Variants in FCRL3 observed in about 807,000 individuals in gnomAD.
FCRL3 encodes the protein Fc receptor like 3, also known as Fc receptor-like protein 3.
Under a neutral mutation model 75.0 loss-of-function variants are expected in FCRL3, and 89 were observed. That is an observed-to-expected ratio of 1.19 (90% CI 1.00 to 1.42). FCRL3 has a LOEUF of 1.42. Ranked by LOEUF, FCRL3 falls within the 40% of genes most tolerant of loss-of-function variation. FCRL3 has a pLI of 0.00. For synonymous variants in FCRL3, 376 were observed against 348.5 expected (o/e 1.08, Z -0.88); for missense variants, 946 against 880.0 (o/e 1.07, Z -0.95).
At chr1:157,680,631 G>A in intron 13 of FCRL3, 71 bp downstream of exon 13, 1 of 1,320,482 alleles carries the variant, frequency 7.6e-7, no homozygotes. Context: ...AAATAACTCT[G>A]ATCAAAGACC....
chr1:157,679,935 A>T (rs1041043650), intron 13 of FCRL3, among the ~76,000 whole-genome samples: 14 of 151,932 alleles, frequency 9.2e-5, no homozygotes, highest in African/African-American at 3.4e-4. Context: ...AATAAATGCA[A>T]CAAGCATTAT....
rs1442696599 is a variant in FCRL3, at chr1:157,696,199, C to A, written c.973G>T (p.Glu325Ter). 6.2e-7 allele frequency: 1 copy of A among 1,614,066 alleles called. No homozygotes were observed. Reference sequence around the variant, plus strand: ...CTACCCAGGCTTCTTACTCTTCCTTCTTTGTGCCAGGAGAATGTGACAGTC... The same window carrying A: ...CTACCCAGGCTTCTTACTCTTCCTTATTTGTGCCAGGAGAATGTGACAGTC... ...SGTVTFSWHK[E>*]GRVRSLGRKT... The change falls in exon 7 of 15, where the codon GAA becomes TAA. Residue 325 changes from glutamate to a stop codon, truncating the protein, a stop_gained. Transcript: ENST00000368184. LOFTEE classifies it high-confidence loss of function.
chr1:157,690,077 A>T (rs924547760), intron 9 of FCRL3, among the ~76,000 whole-genome samples, 160 bp from the exon 10 acceptor site: 2 of 152,208 alleles, frequency 1.3e-5, no homozygotes, highest in Non-Finnish European at 2.9e-5. Flanking sequence ...CCAGCATCTA[A>T]GATTAAAATG....
At chr1:157,678,918 A>G in intron 14 of FCRL3, 24 bp downstream of exon 14, 2 of 1,614,178 alleles carry the variant, frequency 1.2e-6, no homozygotes, top group Admixed American at 1.7e-5. Context: ...CAGAGAGGAA[A>G]GAAAGCCAAG....
At chr1:157,698,074 G>T in intron 4 of FCRL3, 155 bp from the exon 5 acceptor site, 1 of 861,254 alleles carries the variant, frequency 1.2e-6, no homozygotes, top group Non-Finnish European at 1.7e-6. Context: ...ATTCTTCCTT[G>T]CCCTACAAGG....
Position 157,678,436 on chromosome 1 carries a change from A to G in FCRL3, c.*274T>C, listed in dbSNP as rs1353019578. On this transcript the variant is annotated 3_prime_UTR_variant, in exon 15 of 15. Transcript: ENST00000368184. ...CTAGACCATTTCTCTCTCCTCCTCTATTCGACAGCCCTAGGAGCTGAGGGC... is the reference window on the plus strand; with the variant it reads ...CTAGACCATTTCTCTCTCCTCCTCTGTTCGACAGCCCTAGGAGCTGAGGGC... 3.9e-6 allele frequency: 5 copies of G among 1,285,300 alleles called. No homozygotes were observed. Among genetic ancestry groups the G allele is most frequent in the South Asian group, 3.8e-5 (2 of 52,404 alleles). 79.6% of individuals were successfully genotyped at this position (1,285,300 alleles called of 1,614,324 possible). A position where few individuals can be genotyped will look rare whatever the true frequency, so the allele number is the denominator to read the frequency against.
chr1:157,689,883 C>T lies in FCRL3; in HGVS notation c.1725G>A (p.Ala575=), dbSNP rs765500460. 22 of 1,614,050 alleles carry T rather than the reference C, an allele frequency of 1.4e-5. No homozygotes were observed. Among genetic ancestry groups the T allele is most frequent in the South Asian group, 1.1e-4 (10 of 91,088 alleles). ...TGCTGAGCACCAGCCCCGTGATTCCCGCAGCGGTAAGGCCTGTTCTGTTCC... is the reference window on the plus strand; with the variant it reads ...TGCTGAGCACCAGCCCCGTGATTCCTGCAGCGGTAAGGCCTGTTCTGTTCC... ...TSRNRTGLTA[A]GITGLVLSIL... Residue 575 remains alanine (A), a synonymous_variant, in exon 10 of 15, where the codon GCG becomes GCA. Coordinates refer to ENST00000368184, the MANE Select transcript of FCRL3 (RefSeq NM_052939.4).
intron 9 of FCRL3, 130 bp downstream of exon 9, chr1:157,690,125 T>C: frequency 7.4e-7 from 1 of 1,347,152 alleles, no homozygotes; most frequent in Non-Finnish European, 1.0e-6. Context: ...TCAGTACCAA[T>C]CTCCAGAAGT....
intron 10 of FCRL3, among the ~76,000 whole-genome samples, chr1:157,688,950 ATTT>A (rs1179618972): frequency 6.6e-6 from 1 of 152,188 alleles, no homozygotes; most frequent in Non-Finnish European, 1.5e-5. Flanking sequence ...TAGAAAAATC[ATTT>A]TACAAAAATT....
intron 6 of FCRL3, chr1:157,696,933 T>C (rs186308102): frequency 1.5e-4 from 62 of 405,670 alleles, no homozygotes; most frequent in East Asian, 1.2e-3. Context: ...GGGCAATCAG[T>C]AACTGATCAA....
rs890405815 is a variant in FCRL3, at chr1:157,677,581, G to A, written c.*1129C>T. The A allele has an allele frequency of 1.0e-6, 1 of 985,236 alleles. No individual in the cohort carries two copies. Among genetic ancestry groups the A allele is most frequent in the Non-Finnish European group, 1.2e-6 (1 of 829,914 alleles). 61.0% of individuals were successfully genotyped at this position (985,236 alleles called of 1,614,324 possible). A position where few individuals can be genotyped will look rare whatever the true frequency, so the allele number is the denominator to read the frequency against. On this transcript the variant is annotated 3_prime_UTR_variant, in exon 15 of 15. Transcript: ENST00000368184. ...CATATTAAAAATTCAACACACTGTG[G>A]AAAGAGTTTTTGATGGTGATAGCTA...
In FCRL3 at chr1:157,690,463, C is replaced by A; in HGVS notation, c.1482G>T (p.Glu494Asp). 1.2e-6 allele frequency: 2 copies of A among 1,614,212 alleles called. No individual in the cohort carries two copies. The highest frequency in any genetic ancestry group is 1.7e-6 in the Non-Finnish European group (2 of 1,180,042). The change falls in exon 9 of 15, where the codon GAG (glutamate) becomes GAT (aspartate). Residue 494 changes from glutamate to aspartate, a missense_variant. By Grantham distance (45) the Glu-to-Asp change is conservative. Transcript: ENST00000368184. ...GAQAVVGDLLELHCESLRGSF... is the reference protein window; with the variant it reads ...GAQAVVGDLLDLHCESLRGSF... ...AGCCTCTCAGGGACTCACAGTGAAG[C>A]TCCAGCAGGTCCCCCACCACAGCCT...
chr1:157,679,200 T>G (rs1654662056), intron 13 of FCRL3: 5 of 590,248 alleles, frequency 8.5e-6, no homozygotes, highest in Non-Finnish European at 1.5e-5. Flanking sequence ...CAAACCCAAA[T>G]AGAAAAAGTA....
chr1:157,698,258 C>T (rs1209041726), intron 4 of FCRL3, 126 bp downstream of exon 4: 5 of 1,142,512 alleles, frequency 4.4e-6, no homozygotes, highest in Non-Finnish European at 5.0e-6. Context: ...CTTTATTTTC[C>T]CCACTGGGGT....
chr1:157,692,451 G>T (rs1044683183), intron 8 of FCRL3, among the ~76,000 whole-genome samples: 2 of 152,098 alleles, frequency 1.3e-5, no homozygotes, highest in African/African-American at 4.8e-5. Context: ...TGTTGCCCAG[G>T]CTGGTCTAAA....
chr1:157,680,508 CA>C (rs778769745), intron 13 of FCRL3, among the ~76,000 whole-genome samples, 193 bp downstream of exon 13: 67 of 152,264 alleles, frequency 4.4e-4, no homozygotes, highest in Middle Eastern at 3.4e-3. Context: ...TGTCTGTCCT[CA>C]AAGAATTTAT....
intron 8 of FCRL3, among the ~76,000 whole-genome samples, chr1:157,693,051 A>G (rs1655652149): frequency 6.6e-6 from 1 of 151,974 alleles, no homozygotes; most frequent in South Asian, 2.1e-4. Flanking sequence ...TGTCGCGGGT[A>G]GATTCCCTGA....
In FCRL3 at chr1:157,676,730, T is replaced by C. The variant is rs1654478196; in HGVS notation, c.*1980A>G. ...CACAGGGCTAAGTGTTACAAAGACA[T>C]GGAAAATCTTGAACTTTGTTCTTTC... On this transcript the variant is annotated 3_prime_UTR_variant, in exon 15 of 15. Coordinates refer to ENST00000368184, the MANE Select transcript of FCRL3 (RefSeq NM_052939.4). 6.4e-7 allele frequency: 1 copy of C among 1,550,408 alleles called. No homozygotes were observed. The highest frequency in any genetic ancestry group is 8.7e-7 in the Non-Finnish European group (1 of 1,146,890).
intron 13 of FCRL3, among the ~76,000 whole-genome samples, chr1:157,679,860 A>AAAAAAAAAG (rs1654725826): frequency 6.8e-6 from 1 of 147,542 alleles, no homozygotes; most frequent in Non-Finnish European, 1.5e-5. Context: ...AAAAAAAAAA[A>AAAAAAAAAG]TGACAGAAAC....
Sources: gnomAD v4.1 joint callset for allele counts (sites outside exome capture counted in the v4.1 genomes callset) on GRCh38, gnomAD v4.1.1 for gene constraint, MANE v1.5 for transcripts, NCBI Gene and HGNC (gene_info 2026-07-23, HGNC 2026-07-21) for gene names.